GALNT3: variants seen among roughly 807,000 people sequenced by gnomAD.
GALNT3 encodes the protein GalNAc transferase 3.
In GALNT3, 51 loss-of-function variants were observed where a neutral mutation model predicts 69.8. That is an observed-to-expected ratio of 0.73 (90% confidence interval 0.58 to 0.92). The LOEUF (loss-of-function observed/expected upper bound fraction) is 0.92. Ranked by LOEUF, GALNT3 falls within the 40% of genes least tolerant of loss-of-function variation. The pLI is 0.00. For synonymous variants in GALNT3, 265 were observed against 248.5 expected (o/e 1.07, Z -0.63); for missense variants, 711 against 760.0 (o/e 0.94, Z 0.76).
At chr2:165,763,142 T>C (rs188833900) in intron 3 of GALNT3, among the ~76,000 whole-genome samples, 3 of 152,220 alleles carry the variant, frequency 2.0e-5, no homozygotes, top group East Asian at 3.9e-4. Context: ...TTTTCTCAAT[T>C]AAATTTTTGA....
chr2:165,766,391 A>G (rs1302928478), intron 2 of GALNT3, among the ~76,000 whole-genome samples: 1 of 152,174 alleles, frequency 6.6e-6, no homozygotes, highest in Non-Finnish European at 1.5e-5. Flanking sequence ...TCTCAAATTC[A>G]TTTGTATAGG....
At chr2:165,788,987 A>G (rs986206073) in intron 1 of GALNT3, among the ~76,000 whole-genome samples, 1 of 152,196 alleles carries the variant, frequency 6.6e-6, no homozygotes, top group African/African-American at 2.4e-5. Flanking sequence ...CTGAGATACC[A>G]GGTAGGAGGC....
In GALNT3 at chr2:165,748,831, A is replaced by C. The variant is rs747050861; in HGVS notation, c.1852T>G (p.Cys618Gly). The change falls in exon 11 of 11, where the codon TGC becomes GGC. Residue 618 changes from cysteine to glycine, a missense_variant. Coordinates refer to ENST00000392701, the MANE Select transcript of GALNT3 (RefSeq NM_004482.4). ...TTTTGGAGTGGATCTGATGGGTTGC[A>C]TGACACTAAACTTGGATGCTCTCCA... Reference protein sequence around the residue: ...ANGEHPSLVSCNPSDPLQKWI... With the variant: ...ANGEHPSLVSGNPSDPLQKWI... The C allele has an allele frequency of 6.2e-7, 1 of 1,611,978 alleles. No individual in the cohort carries two copies. The highest frequency in any genetic ancestry group is 8.5e-7 in the Non-Finnish European group (1 of 1,178,634).
chr2:165,790,045 A>C (rs985223485), intron 1 of GALNT3, among the ~76,000 whole-genome samples: 1 of 152,236 alleles, frequency 6.6e-6, no homozygotes, highest in African/African-American at 2.4e-5. Flanking sequence ...TTGTTTGTTC[A>C]TTTGTTTTTT....
chr2:165,788,466 G>GGGGTGT (rs1553496967), intron 1 of GALNT3, among the ~76,000 whole-genome samples: 7 of 139,530 alleles, frequency 5.0e-5, no homozygotes, highest in African/African-American at 1.1e-4. Context: ...AATCCAAAAG[G>GGGGTGT]GTGTGTGTGT....
chr2:165,783,998 C>T (rs1227980203), intron 1 of GALNT3, among the ~76,000 whole-genome samples: 2 of 152,118 alleles, frequency 1.3e-5, no homozygotes, highest in Non-Finnish European at 2.9e-5. Context: ...CTGCATTATC[C>T]ACTCTTCATG....
chr2:165,761,314 C>A (rs1023204557), intron 4 of GALNT3, among the ~76,000 whole-genome samples: 3 of 152,054 alleles, frequency 2.0e-5, no homozygotes, highest in Non-Finnish European at 4.4e-5. Context: ...CAGGTTCAAG[C>A]GATTCCCATT....
In GALNT3 at chr2:165,759,336, T is replaced by C. The variant is rs1688501491; in HGVS notation, c.1073A>G (p.Lys358Arg). The C allele has an allele frequency of 1.2e-6, 2 of 1,610,706 alleles. No homozygotes were observed. The highest frequency in any genetic ancestry group is 2.2e-5 in the South Asian group (2 of 90,900). The change falls in exon 5 of 11, where the codon AAA becomes AGA. Residue 358 changes from lysine to arginine, a missense_variant and splice_region_variant. Lys to Arg is a conservative substitution (Grantham distance 26). Coordinates refer to ENST00000392701, the MANE Select transcript of GALNT3 (RefSeq NM_004482.4). ...AAGACTCTGAGAGCAATCATCTTAC[T>C]TAATTGGGTAGGTTTCATCTTTCCT... ...QRRKDETYPI[K>R]TPTFAGGLFS...
intron 3 of GALNT3, among the ~76,000 whole-genome samples, chr2:165,763,935 C>A (rs575603938): frequency 6.6e-6 from 1 of 152,140 alleles, no homozygotes; most frequent in South Asian, 2.1e-4. Context: ...TGAGGATAAT[C>A]GGACTCACCA....
At chr2:165,756,088 T>G (rs1037452935) in intron 7 of GALNT3, among the ~76,000 whole-genome samples, 2 of 152,178 alleles carry the variant, frequency 1.3e-5, no homozygotes, top group African/African-American at 4.8e-5. Flanking sequence ...AACTCAGTAG[T>G]GCTCTTAATT....
intron 9 of GALNT3, among the ~76,000 whole-genome samples, chr2:165,750,678 C>G (rs547567852): frequency 2.6e-5 from 4 of 152,272 alleles, no homozygotes; most frequent in African/African-American, 9.6e-5. Context: ...CCCTGACTGC[C>G]CTTGCTTAAG....
chr2:165,755,626 G>A (rs570264057), intron 7 of GALNT3, among the ~76,000 whole-genome samples: 5 of 152,086 alleles, frequency 3.3e-5, no homozygotes, highest in African/African-American at 4.8e-5. Flanking sequence ...CAATTTTCAA[G>A]TTAAATGAAT....
rs146978168 is a variant in GALNT3, at chr2:165,762,025, C to G, written c.718G>C (p.Val240Leu). 2.6e-4 allele frequency: 419 copies of G among 1,585,866 alleles called. No individual in the cohort carries two copies. The highest frequency in any genetic ancestry group is 3.5e-4 in the Non-Finnish European group (405 of 1,154,638). ...EYLHDKLDEY[V>L]KQFSIVKIVR... is the part of the protein sequence containing the mutation. ...ATTTTTACTATAGAAAATTGTTTTA[C>G]ATATTCATCTAGTTTATCATGTAAG... The change falls in exon 4 of 11, where the codon GTA (valine) becomes CTA (leucine). Residue 240 changes from valine to leucine, a missense_variant. Val to Leu is a conservative substitution (Grantham distance 32, BLOSUM62 1). Transcript: ENST00000392701.
At chr2:165,781,124 C>T (rs4471904) in intron 1 of GALNT3, among the ~76,000 whole-genome samples, 149,541 of 152,268 alleles carry the variant, frequency 0.98, 73,478 homozygotes, top group East Asian at 1. Context: ...GCACAGATAC[C>T]AAGAGAGTCG....
rs796526803 is a variant in GALNT3 at position 165,770,862 on chromosome 2, G to T, written c.-108-54C>A. 3.6e-5 allele frequency: 24 copies of T among 662,394 alleles called. No homozygotes were observed. The African/African-American group carries it at 4.4e-4, about 12-fold the overall frequency. 41.0% of individuals were successfully genotyped at this position (662,394 alleles called of 1,614,324 possible). A position where few individuals can be genotyped will look rare whatever the true frequency, so the allele number is the denominator to read the frequency against. On this transcript the variant is annotated intron_variant, in intron 1 of 10. Coordinates refer to ENST00000392701, the MANE Select transcript of GALNT3 (RefSeq NM_004482.4). ...GTAGCTATTCAGTCCTACAGGCATG[G>T]CTCAATTCATTCATTTAACCAACAA...
At chr2:165,784,999 T>A (rs557269332) in intron 1 of GALNT3, among the ~76,000 whole-genome samples, 41 of 152,304 alleles carry the variant, frequency 2.7e-4, no homozygotes, top group African/African-American at 9.6e-4. Flanking sequence ...TTTTTCCCCC[T>A]TTCTCCTTAT....
At chr2:165,767,764 G>A (rs941080472) in intron 2 of GALNT3, among the ~76,000 whole-genome samples, 13 of 151,970 alleles carry the variant, frequency 8.6e-5, no homozygotes, top group Admixed American at 2.0e-4. Flanking sequence ...ATCTGGCTTT[G>A]GGAGAAACTA....
chr2:165,765,010 TG>T lies in GALNT3; in HGVS notation c.561del (p.Ser188ValfsTer3). On this transcript the variant is annotated frameshift_variant, in exon 3 of 11. Transcript: ENST00000392701. LOFTEE classifies it high-confidence loss of function. ...KFKRCPPLPT[T>X]SVIIVFHNEA... ...TCATTATGAAAAACTATTATGACAC[TG>T]GTGGTGGGCAGGGGAGGGCAGCGCT... 6.2e-7 allele frequency: 1 copy of T among 1,614,190 alleles called. No homozygotes were observed.
intron 1 of GALNT3, among the ~76,000 whole-genome samples, chr2:165,778,956 G>A (rs759568541): frequency 6.6e-6 from 1 of 152,176 alleles, no homozygotes; most frequent in Non-Finnish European, 1.5e-5. Context: ...GTGGATCTGA[G>A]GAGAGAGTTT....
Sources: gnomAD v4.1 joint callset for allele counts (sites outside exome capture counted in the v4.1 genomes callset) on GRCh38, gnomAD v4.1.1 for gene constraint, MANE v1.5 for transcripts, NCBI Gene and HGNC (gene_info 2026-07-23, HGNC 2026-07-21) for gene names.